The following TRPV4 variants were observed in gnomAD, a reference collection of about 807,000 sequenced individuals.
TRPV4 encodes the protein OSM9-like transient receptor potential channel 4.
TRPV4 carries 58 observed loss-of-function variants against 84.1 expected under a neutral mutation model. The observed-to-expected ratio is 0.69, with a 90% CI of 0.56 to 0.86. The LOEUF (loss-of-function observed/expected upper bound fraction) is 0.86, where lower values mean the gene tolerates loss of function less well. Among genes scored for constraint, TRPV4 ranks in the 40% least tolerant of loss-of-function variants. The probability of loss-of-function intolerance (pLI) is 0.00; values close to 1 mark genes in which losing one functional copy is unlikely to be tolerated. For synonymous variants in TRPV4, 489 were observed against 500.9 expected (o/e 0.98, Z 0.32); for missense variants, 879 against 1,181.1 (o/e 0.74, Z 3.75).
chr12:109,814,119 TTGGA>T lies in TRPV4; in HGVS notation c.386+288_386+291del, dbSNP rs1445855248. ...GATCGATGGATAGATGTATGGATGG[TTGGA>T]TGGATGGATGGAGGATATAGAGATG... On this transcript the variant is annotated intron_variant, in intron 2 of 15. Coordinates refer to ENST00000261740, the MANE Select transcript of TRPV4 (RefSeq NM_021625.5). The surrounding 1 kb of genome is among the most constrained non-coding windows in gnomAD (Gnocchi z 5.4). Among the ~76,000 whole-genome samples the T allele has an allele frequency of 2.0e-5, 3 of 149,766 alleles. No homozygotes were observed. Among genetic ancestry groups the T allele is most frequent in the African/African-American group, 7.4e-5 (3 of 40,524 alleles).
chr12:109,798,958 G>A lies in TRPV4; in HGVS notation c.854-46C>T, dbSNP rs1299461596. 41 of 1,570,076 alleles carry A rather than the reference G, an allele frequency of 2.6e-5. No individual in the cohort carries two copies. The highest frequency in any genetic ancestry group is 3.5e-5 in the Non-Finnish European group (41 of 1,155,734). ...TGGGAGGTCAGCGAAGGGGGCCCAGGGTGGGACTCTGCCTGCAGACACTCG... is the reference window on the plus strand; with the variant it reads ...TGGGAGGTCAGCGAAGGGGGCCCAGAGTGGGACTCTGCCTGCAGACACTCG... On this transcript the variant is annotated intron_variant, in intron 5 of 15. Transcript: ENST00000261740. The surrounding 1 kb of genome is among the most constrained non-coding windows in gnomAD (Gnocchi z 5.0).
chr12:109,808,565 G>T, intron 2 of TRPV4, 97 bp from the exon 3 acceptor site: 1 of 1,205,698 alleles, frequency 8.3e-7, no homozygotes. Flanking sequence ...GTGGCGGGCA[G>T]GCAGCTGAAG....
rs114421262 is a variant in TRPV4, at chr12:109,787,053, C to A, written c.2209-216G>T. 0.017 allele frequency among the ~76,000 whole-genome samples: 2,640 copies of A among 152,220 alleles called. 78 individuals are homozygous for A. Among genetic ancestry groups the A allele is most frequent in the African/African-American group, 0.061 (2,529 of 41,506 alleles). ...ACAGGATCAGGTGCAGAAAGGCTGCCGCCCAAGCCCTATCACACTTACACA... is the reference window on the plus strand; with the variant it reads ...ACAGGATCAGGTGCAGAAAGGCTGCAGCCCAAGCCCTATCACACTTACACA... On this transcript the variant is annotated intron_variant, in intron 13 of 15. Coordinates refer to ENST00000261740, the MANE Select transcript of TRPV4 (RefSeq NM_021625.5).
intron 12 of TRPV4, among the ~76,000 whole-genome samples, chr12:109,790,157 A>G (rs1056658957): frequency 6.6e-6 from 1 of 152,144 alleles, no homozygotes; most frequent in African/African-American, 2.4e-5. Context: ...GAAAACTACA[A>G]TTCCACTTCC....
chr12:109,821,158 G>A (rs571782117), intron 1 of TRPV4, among the ~76,000 whole-genome samples: 1 of 152,372 alleles, frequency 6.6e-6, no homozygotes, highest in Non-Finnish European at 1.5e-5. Context: ...ATGCAAACCT[G>A]CTCCGCCCCA....
intron 1 of TRPV4, among the ~76,000 whole-genome samples, chr12:109,829,200 AC>A (rs1005309981): frequency 8.5e-5 from 13 of 152,168 alleles, no homozygotes; most frequent in Non-Finnish European, 1.8e-4. Context: ...AAAAAAGTGA[AC>A]AACAGGCAAT....
rs771584318 is a variant in TRPV4 at position 109,784,470 on chromosome 12, C to A, written c.2337-33G>T. 9 of 1,614,046 alleles carry A rather than the reference C, an allele frequency of 5.6e-6. No individual in the cohort carries two copies. In the Admixed American group the frequency reaches 1.3e-4, roughly 24 times the overall value. ...GGCCCAAGCAGAGGGTCATGGGGAA[C>A]CCCTCAGAGACGCTCTCCATGCCAC... On this transcript the variant is annotated intron_variant, in intron 14 of 15. Coordinates refer to ENST00000261740, the MANE Select transcript of TRPV4 (RefSeq NM_021625.5).
chr12:109,795,137 G>A lies in TRPV4; in HGVS notation c.1333-650C>T, dbSNP rs576364519. 1.1e-4 allele frequency among the ~76,000 whole-genome samples: 17 copies of A among 152,266 alleles called. No homozygotes were observed. The East Asian group carries it at 1.5e-3, about 14-fold the overall frequency. ...GCTGCAAGTATAAATCCTGGCCTCC[G>A]CTCTCAGAAATTCTGATTCAGAGAG... On this transcript the variant is annotated intron_variant, in intron 7 of 15. Coordinates refer to ENST00000261740, the MANE Select transcript of TRPV4 (RefSeq NM_021625.5).
Position 109,793,677 on chromosome 12 carries a change from G to A in TRPV4, c.1585-77C>T. 1.6e-6 allele frequency: 2 copies of A among 1,244,546 alleles called. No homozygotes were observed. Among genetic ancestry groups the A allele is most frequent in the South Asian group, 1.2e-5 (1 of 82,892 alleles). 77.1% of individuals were successfully genotyped at this position (1,244,546 alleles called of 1,614,324 possible). A position where few individuals can be genotyped will look rare whatever the true frequency, so the allele number is the denominator to read the frequency against. On this transcript the variant is annotated intron_variant, in intron 9 of 15. Transcript: ENST00000261740. This position sits in a 1 kb window ranked among gnomAD's most constrained non-coding sequence, Gnocchi z 4.0. ...AGGAGGAGAGAGGAGACAGAGAAAGGGATAGAAGAGAGGGAGGCAGAGGCT... is the reference window on the plus strand; with the variant it reads ...AGGAGGAGAGAGGAGACAGAGAAAGAGATAGAAGAGAGGGAGGCAGAGGCT...
At chr12:109,827,690 TCACATACA>T (rs1565889769) in intron 1 of TRPV4, among the ~76,000 whole-genome samples, 3 of 147,432 alleles carry the variant, frequency 2.0e-5, no homozygotes, top group African/African-American at 7.7e-5. Flanking sequence ...ACATAGACAT[TCACATACA>T]CACATACACA....
intron 1 of TRPV4, among the ~76,000 whole-genome samples, chr12:109,820,615 C>A (rs1211950758): frequency 6.6e-6 from 1 of 150,660 alleles, no homozygotes; most frequent in African/African-American, 2.4e-5. Flanking sequence ...CTCCGCCTCC[C>A]GGGTTCACGC....
intron 2 of TRPV4, among the ~76,000 whole-genome samples, chr12:109,809,029 TCCACCCAC>T (rs1185448903): frequency 2.4e-5 from 3 of 125,756 alleles, no homozygotes; most frequent in Non-Finnish European, 3.3e-5. Flanking sequence ...CATCTACCCA[TCCACCCAC>T]CCATCCATCC....
intron 1 of TRPV4, among the ~76,000 whole-genome samples, chr12:109,817,623 G>A (rs1046821571): frequency 1.3e-5 from 2 of 152,192 alleles, no homozygotes; most frequent in African/African-American, 4.8e-5. Context: ...GGCAAGTCAC[G>A]CCGCGATCAT....
intron 1 of TRPV4, among the ~76,000 whole-genome samples, chr12:109,821,371 G>T (rs187210948): frequency 6.6e-6 from 1 of 152,156 alleles, no homozygotes; most frequent in Non-Finnish European, 1.5e-5. Context: ...TGTTCCCTCC[G>T]CCTGGAATGC....
intron 1 of TRPV4, among the ~76,000 whole-genome samples, chr12:109,824,165 A>C (rs1892187936): frequency 6.6e-6 from 1 of 151,840 alleles, no homozygotes; most frequent in African/African-American, 2.4e-5. Context: ...GGGTTTCACC[A>C]TGTTGGCCAG....
Position 109,799,000 on chromosome 12 carries a change from G to A in TRPV4, c.854-88C>T. 4 of 1,284,230 alleles carry A rather than the reference G, an allele frequency of 3.1e-6. No individual in the cohort carries two copies. The highest frequency in any genetic ancestry group is 4.4e-6 in the Non-Finnish European group (4 of 916,712). The allele number at this position is 1,284,230 out of a possible 1,614,324, so 79.6% of individuals were successfully genotyped here. A position where few individuals can be genotyped will look rare whatever the true frequency, so the allele number is the denominator to read the frequency against. ...AGACACTCGGGGGACGGACACCGTG[G>A]CGCTCTGAGGATAATGACGGAGACA... On this transcript the variant is annotated intron_variant, in intron 5 of 15. Coordinates refer to ENST00000261740, the MANE Select transcript of TRPV4 (RefSeq NM_021625.5). This position sits in a 1 kb window ranked among gnomAD's most constrained non-coding sequence, Gnocchi z 5.0.
Position 109,794,206 on chromosome 12 carries a change from A to T in TRPV4, c.1491+123T>A, listed in dbSNP as rs577805591. The stretch of plus-strand genomic sequence containing the variant: ...GTGGATGCTGGAGGGCGCCTCCCCA[A>T]CCTGTTCCTAAACCTTCTCCGGGTC... On this transcript the variant is annotated intron_variant, in intron 8 of 15. Coordinates refer to ENST00000261740, the MANE Select transcript of TRPV4 (RefSeq NM_021625.5). 3.7e-6 allele frequency: 5 copies of T among 1,361,014 alleles called. No homozygotes were observed. In the East Asian group the frequency reaches 1.2e-4, roughly 33 times the overall value. The allele number at this position is 1,361,014 out of a possible 1,614,324, so 84.3% of individuals were successfully genotyped here.
At chr12:109,795,951 G>T (rs1890372909) in intron 7 of TRPV4, among the ~76,000 whole-genome samples, 1 of 151,706 alleles carries the variant, frequency 6.6e-6, no homozygotes, top group South Asian at 2.1e-4. Context: ...TAGAGACGGG[G>T]TTTCGCCATA....
At chr12:109,824,428 T>C (rs534795915) in intron 1 of TRPV4, among the ~76,000 whole-genome samples, 65 of 152,108 alleles carry the variant, frequency 4.3e-4, no homozygotes, top group Middle Eastern at 3.4e-3. Context: ...GAGAACATGC[T>C]ACTCAGCTCC....
Sources: allele counts gnomAD v4.1 joint callset (sites outside exome capture counted in the v4.1 genomes callset), GRCh38; gene constraint gnomAD v4.1.1; non-coding constraint Gnocchi (gnomAD v3.1); transcripts MANE v1.5; gene names NCBI Gene and HGNC (gene_info 2026-07-23, HGNC 2026-07-21).